The following S100Z variants were observed in gnomAD, a reference collection of about 807,000 sequenced individuals.
The protein encoded by S100Z is protein S100-Z.
In S100Z, 11 loss-of-function variants were observed where a neutral mutation model predicts 8.5. That is an observed-to-expected ratio of 1.30 (90% CI 0.82 to 2.15). The LOEUF (loss-of-function observed/expected upper bound fraction) is 2.15. Among genes scored for constraint, S100Z ranks in the 30% most tolerant of loss-of-function variants. S100Z has a pLI of 0.00. For missense variants in S100Z, 126 were observed against 117.9 expected (o/e 1.07, Z -0.32); for synonymous variants, 34 against 43.8 (o/e 0.78, Z 0.89).
At chr5:76,895,315 A>G (rs1198434019) in intron 4 of S100Z, among the ~76,000 whole-genome samples, 1 of 152,198 alleles carries the variant, frequency 6.6e-6, no homozygotes, top group Non-Finnish European at 1.5e-5. Flanking sequence ...GCAACTTATA[A>G]TATGCTAGTC....
At chr5:76,924,838 G>A (rs751686420), downstream of S100Z, among the ~76,000 whole-genome samples, 1 of 152,066 alleles carries the variant, frequency 6.6e-6, no homozygotes, top group East Asian at 1.9e-4. Context: ...GCTTGAACGC[G>A]GGAGGTGGAG....
chr5:76,877,861 G>T, intron 4 of S100Z, 27 bp downstream of exon 4: 1 of 1,509,184 alleles, frequency 6.6e-7, no homozygotes, highest in Non-Finnish European at 9.2e-7. Context: ...TCTAAAGGCA[G>T]AAATATATCC....
At chr5:76,933,750 A>G in the S100Z span, among the ~76,000 whole-genome samples, 1 of 152,186 alleles carries the variant, frequency 6.6e-6, no homozygotes, top group Non-Finnish European at 1.5e-5. Context: ...ATACATAACA[A>G]AATTTTACCA....
intron 2 of S100Z, among the ~76,000 whole-genome samples, chr5:76,874,528 C>G (rs1048644859): frequency 8.5e-5 from 13 of 152,252 alleles, no homozygotes; most frequent in Non-Finnish European, 8.8e-5. Flanking sequence ...AGCAGAGGCA[C>G]CTCCCTTTGA....
At position 76,906,267 on chromosome 5, in the gene S100Z, TA is replaced by T. The variant is rs369469212; in HGVS notation, c.*3-14449del. On this transcript the variant is annotated intron_variant, in intron 4 of 4. Transcript: ENST00000317593. ...TAAGCTAACATTTAATCACTTCACA[TA>T]TTTTTTTGGTGATGAGAACACTTAA... Among the ~76,000 whole-genome samples, 827 of 152,374 alleles carry T rather than the reference TA, an allele frequency of 5.4e-3. 3 individuals are homozygous for T. The highest frequency in any genetic ancestry group is 0.018 in the African/African-American group (768 of 41,594).
the S100Z span, among the ~76,000 whole-genome samples, chr5:76,949,425 A>G: frequency 1.3e-5 from 2 of 152,186 alleles, no homozygotes; most frequent in Non-Finnish European, 2.9e-5. Context: ...GTTTTTATAA[A>G]AATAGAATGG....
chr5:76,915,992 C>T (rs1744841518), intron 4 of S100Z, among the ~76,000 whole-genome samples: 1 of 151,982 alleles, frequency 6.6e-6, no homozygotes, highest in African/African-American at 2.4e-5. Flanking sequence ...GAAACCTCGT[C>T]TCTACTAAAA....
intron 4 of S100Z, among the ~76,000 whole-genome samples, chr5:76,914,368 G>T (rs1470667795): frequency 2.3e-5 from 1 of 43,478 alleles, no homozygotes; most frequent in East Asian, 5.4e-4. Context: ...TAGCTAAAAG[G>T]TTTGTAAACA....
At chr5:76,861,389 G>A (rs2150624556) in intron 1 of S100Z, among the ~76,000 whole-genome samples, 1 of 152,088 alleles carries the variant, frequency 6.6e-6, no homozygotes, top group South Asian at 2.1e-4. Context: ...GCCCAGGCTG[G>A]AGTGAGGTGG....
downstream of S100Z, among the ~76,000 whole-genome samples, chr5:76,923,997 A>G (rs1430097560): frequency 6.6e-6 from 1 of 152,172 alleles, no homozygotes; most frequent in Non-Finnish European, 1.5e-5. Flanking sequence ...ATCTATCTAG[A>G]AACTGGGTCC....
At chr5:76,947,202 C>T in the S100Z span, among the ~76,000 whole-genome samples, 2 of 150,748 alleles carry the variant, frequency 1.3e-5, no homozygotes, top group African/African-American at 2.4e-5. Context: ...CACGTCCTGG[C>T]CCCCCCATGT....
chr5:76,863,620 G>A (rs6864862), intron 1 of S100Z, among the ~76,000 whole-genome samples: 45,153 of 151,376 alleles, frequency 0.3, 9,326 homozygotes, highest in African/African-American at 0.59. Flanking sequence ...CTCACTGCAA[G>A]CTCCGCCTCC....
the S100Z span, among the ~76,000 whole-genome samples, chr5:76,936,743 C>A: frequency 1.3e-5 from 2 of 152,094 alleles, no homozygotes; most frequent in Middle Eastern, 3.4e-3. Flanking sequence ...AGCCTAACCT[C>A]AAGGCTGCAG....
intron 4 of S100Z, among the ~76,000 whole-genome samples, chr5:76,887,516 C>A (rs1046860337): frequency 1.2e-4 from 18 of 149,644 alleles, no homozygotes; most frequent in Admixed American, 1.1e-3. Flanking sequence ...TCTCATGCCT[C>A]AGCCTCCCGA....
the S100Z span, among the ~76,000 whole-genome samples, chr5:76,950,601 G>A: frequency 6.6e-6 from 1 of 152,136 alleles, no homozygotes; most frequent in Non-Finnish European, 1.5e-5. Context: ...ATCCGGGACT[G>A]TATAACATCA....
intron 1 of S100Z, among the ~76,000 whole-genome samples, chr5:76,856,344 T>G (rs1035050335): frequency 2.5e-4 from 38 of 152,240 alleles, no homozygotes; most frequent in African/African-American, 8.9e-4. Flanking sequence ...GGACTACAGG[T>G]GCATGGCACC....
chr5:76,881,837 AT>A (rs1561233967), intron 4 of S100Z, among the ~76,000 whole-genome samples: 1 of 152,214 alleles, frequency 6.6e-6, no homozygotes, highest in African/African-American at 2.4e-5. Context: ...CAGCATAAGC[AT>A]TGCCCTGAGT....
chr5:76,868,301 ACCAAAGGATATATTTAGCTCTG>A (rs1742860153), intron 1 of S100Z, among the ~76,000 whole-genome samples: 2 of 152,152 alleles, frequency 1.3e-5, no homozygotes, highest in South Asian at 4.1e-4. Context: ...GGCAGCATGT[ACCAAAGGATATATTTAGCTCTG>A]CCAAAGCCCA....
chr5:76,852,130 G>A (rs1275227038), intron 1 of S100Z, among the ~76,000 whole-genome samples: 2 of 152,134 alleles, frequency 1.3e-5, no homozygotes, highest in East Asian at 3.9e-4. Flanking sequence ...CTGGGTCTGA[G>A]AAGCAGTCTC....
Sources: gnomAD v4.1 joint callset for allele counts (sites outside exome capture counted in the v4.1 genomes callset) on GRCh38, gnomAD v4.1.1 for gene constraint, MANE v1.5 for transcripts, NCBI Gene and HGNC (gene_info 2026-07-23, HGNC 2026-07-21) for gene names.